The following AGBL1 variants were observed in gnomAD, a reference collection of about 807,000 sequenced individuals.
The protein encoded by AGBL1 is AGBL carboxypeptidase 1, also known as cytosolic carboxypeptidase 4.
A neutral mutation model predicts 118.9 loss-of-function variants in AGBL1; 130 were observed. The ratio of observed to expected loss-of-function variants is 1.09; its 90% CI spans 0.95 to 1.26. The LOEUF (loss-of-function observed/expected upper bound fraction) is 1.26, where lower values mean the gene tolerates loss of function less well. Among genes scored for constraint, AGBL1 ranks in the 50% most tolerant of loss-of-function variants. The pLI is 0.00. For missense variants in AGBL1, 1,584 were observed against 1,298.1 expected (o/e 1.22, Z -3.38); for synonymous variants, 555 against 478.9 (o/e 1.16, Z -2.08).
intron 5 of AGBL1, among the ~76,000 whole-genome samples, chr15:86,220,718 G>A (rs989073011): frequency 6.6e-6 from 1 of 152,176 alleles, no homozygotes; most frequent in African/African-American, 2.4e-5. Flanking sequence ...CTCTCTTGGA[G>A]CAAGATGTTC....
chr15:86,247,156 A>G (rs907824617), intron 6 of AGBL1, among the ~76,000 whole-genome samples: 18 of 152,250 alleles, frequency 1.2e-4, no homozygotes, highest in African/African-American at 4.3e-4. Flanking sequence ...TCTTATTCAA[A>G]TTTGACCAGA....
chr15:86,723,746 ATG>A (rs935493342), intron 22 of AGBL1, among the ~76,000 whole-genome samples: 19 of 152,208 alleles, frequency 1.2e-4, no homozygotes, highest in African/African-American at 4.6e-4. Flanking sequence ...AAGAATTAAA[ATG>A]TAAATGAAAA....
At chr15:86,856,912 A>G (rs369701880) in intron 22 of AGBL1, among the ~76,000 whole-genome samples, 1 of 152,294 alleles carries the variant, frequency 6.6e-6, no homozygotes. Flanking sequence ...AGACATTTTC[A>G]TGACTAGAGA....
intron 22 of AGBL1, among the ~76,000 whole-genome samples, chr15:86,736,843 T>G (rs984757559): frequency 6.6e-6 from 1 of 151,826 alleles, no homozygotes; most frequent in Non-Finnish European, 1.5e-5. Flanking sequence ...AGCCTCTTAT[T>G]TTTTTCTCTC....
chr15:86,791,728 T>TATATATATATATATA (rs1177264209), intron 22 of AGBL1, among the ~76,000 whole-genome samples: 243 of 142,828 alleles, frequency 1.7e-3, no homozygotes, highest in Middle Eastern at 3.6e-3. Flanking sequence ...TCCTTGTTTT[T>TATATATATATATATA]TATATATATA....
intron 4 of AGBL1, among the ~76,000 whole-genome samples, chr15:86,157,777 G>T (rs190045231): frequency 2.6e-5 from 4 of 152,240 alleles, no homozygotes; most frequent in Admixed American, 2.6e-4. Context: ...ACCCTAATGG[G>T]TCTGTGAGAG....
chr15:86,577,836 C>G (rs2469180), intron 21 of AGBL1, among the ~76,000 whole-genome samples: 1 of 248 alleles, frequency 4.0e-3, no homozygotes, highest in Admixed American at 0.05. Context: ...AAGTCAAGAA[C>G]TGGGGGTTTG....
chr15:86,617,702 C>G (rs981776631), intron 21 of AGBL1, among the ~76,000 whole-genome samples: 3 of 151,686 alleles, frequency 2.0e-5, no homozygotes, highest in African/African-American at 7.3e-5. Context: ...TATAAGATTG[C>G]TGTTTCATAG....
At chr15:86,735,655 G>T (rs12050488) in intron 22 of AGBL1, among the ~76,000 whole-genome samples, 86,610 of 145,880 alleles carry the variant, frequency 0.59, 27,425 homozygotes, top group East Asian at 0.79. Flanking sequence ...TACAAAGAGA[G>T]ATATATATAT....
At chr15:86,602,246 G>A (rs1364906956) in intron 21 of AGBL1, among the ~76,000 whole-genome samples, 2 of 152,136 alleles carry the variant, frequency 1.3e-5, no homozygotes, top group Non-Finnish European at 2.9e-5. Context: ...TATGGTGGGA[G>A]TGGGGTTGGT....
intron 21 of AGBL1, among the ~76,000 whole-genome samples, chr15:86,558,300 T>C (rs2083764330): frequency 6.6e-6 from 1 of 152,154 alleles, no homozygotes; most frequent in Admixed American, 6.5e-5. Context: ...AAGGACCCCA[T>C]CTTGCCCCAA....
chr15:86,790,259 T>C (rs2078471903), intron 22 of AGBL1, among the ~76,000 whole-genome samples: 1 of 152,026 alleles, frequency 6.6e-6, no homozygotes, highest in Non-Finnish European at 1.5e-5. Flanking sequence ...GGTAACATTA[T>C]CAACCTGAGG....
chr15:86,197,557 G>A (rs1323358747), intron 5 of AGBL1, among the ~76,000 whole-genome samples: 3 of 152,294 alleles, frequency 2.0e-5, no homozygotes, highest in Middle Eastern at 3.4e-3. Flanking sequence ...GCAAAATGTT[G>A]AAGATGTGGC....
chr15:86,546,035 A>C lies in AGBL1; in HGVS notation c.2719A>C (p.Lys907Gln), dbSNP rs2083575650. The change falls in exon 20 of 23, where the codon AAG becomes CAG. Residue 907 changes from lysine (K) to glutamine (Q), a missense_variant. By Grantham distance (53) the Lys-to-Gln change is moderately conservative (BLOSUM62 1). Coordinates refer to ENST00000614907, the MANE Select transcript of AGBL1 (RefSeq NM_001386094.1). Reference protein sequence around the residue: ...FCDFHGHSQKKNVFLYGCSIK... With the variant: ...FCDFHGHSQKQNVFLYGCSIK... ...TGACTTCCATGGCCACTCCCAAAAG[A>C]AGAATGTGTTCCTTTATGGCTGTAG... The C allele has an allele frequency of 6.2e-7, 1 of 1,613,208 alleles. No homozygotes were observed. Among genetic ancestry groups the C allele is most frequent in the Admixed American group, 1.7e-5 (1 of 59,872 alleles).
intron 21 of AGBL1, among the ~76,000 whole-genome samples, chr15:86,642,163 T>C (rs1248177432): frequency 6.6e-6 from 1 of 152,174 alleles, no homozygotes; most frequent in Non-Finnish European, 1.5e-5. Flanking sequence ...TTTCTAGTGG[T>C]GACTGTAAAG....
intron 1 of AGBL1, among the ~76,000 whole-genome samples, chr15:86,090,924 A>G (rs944612644): frequency 7.2e-5 from 11 of 152,146 alleles, no homozygotes; most frequent in Admixed American, 4.6e-4. Flanking sequence ...AATTTCTTTT[A>G]CTGGAAGGCC....
chr15:86,807,907 C>A (rs7175323), intron 22 of AGBL1, among the ~76,000 whole-genome samples: 2 of 151,960 alleles, frequency 1.3e-5, no homozygotes, highest in Admixed American at 6.5e-5. Flanking sequence ...TTCCACCCTC[C>A]AGTTAGAGGC....
chr15:87,019,320 C>T (rs978319688), intron 24 of AGBL1, among the ~76,000 whole-genome samples: 1 of 152,058 alleles, frequency 6.6e-6, no homozygotes, highest in African/African-American at 2.4e-5. Context: ...AATATATATT[C>T]TTCTCATCAC....
chr15:86,900,463 AT>A (rs1388684625), intron 22 of AGBL1, among the ~76,000 whole-genome samples: 2 of 152,138 alleles, frequency 1.3e-5, no homozygotes, highest in Non-Finnish European at 2.9e-5. Context: ...TGGGAAAATA[AT>A]TTATCCATTC....
Sources: gnomAD v4.1 joint callset for allele counts (sites outside exome capture counted in the v4.1 genomes callset) on GRCh38, gnomAD v4.1.1 for gene constraint, MANE v1.5 for transcripts, NCBI Gene and HGNC (gene_info 2026-07-23, HGNC 2026-07-21) for gene names.